Variants in ENTPD1 observed in about 807,000 individuals in gnomAD.
ENTPD1 encodes the protein ATP diphosphohydrolase.
In ENTPD1, 33 loss-of-function variants were observed where a neutral mutation model predicts 57.0. The ratio of observed to expected loss-of-function variants is 0.58; its 90% CI spans 0.44 to 0.77. The LOEUF is 0.77. Among genes scored for constraint, ENTPD1 ranks in the 30% least tolerant of loss-of-function variants. The probability of loss-of-function intolerance (pLI) is 0.00; values close to 1 mark genes in which losing one functional copy is unlikely to be tolerated. For synonymous variants in ENTPD1, 202 were observed against 218.8 expected, an observed-to-expected ratio of 0.92 and a Z score of 0.68; for missense variants, 501 against 603.4, an observed-to-expected ratio of 0.83 and a Z score of 1.78.
In ENTPD1 at chr10:95,867,353, G is replaced by T; in HGVS notation, c.*970G>T. On this transcript the variant is annotated 3_prime_UTR_variant, in exon 10 of 10. Coordinates refer to ENST00000371205, the MANE Select transcript of ENTPD1 (RefSeq NM_001776.6). ...AGAACATTTGCATCATCAATACATT[G>T]TCTAGAGACAAGACTATCCTGGGTA... 1 of 985,366 alleles carries T rather than the reference G, an allele frequency of 1.0e-6. No homozygotes were observed. Among genetic ancestry groups the T allele is most frequent in the Non-Finnish European group, 1.2e-6 (1 of 829,930 alleles). The allele number at this position is 985,366 out of a possible 1,614,324, so 61.0% of individuals were successfully genotyped here. A position where few individuals can be genotyped will look rare whatever the true frequency, so the allele number is the denominator to read the frequency against.
chr10:95,825,186 C>T (rs1261941788), intron 2 of ENTPD1, among the ~76,000 whole-genome samples: 1 of 152,150 alleles, frequency 6.6e-6, no homozygotes. Context: ...GCTCAATAGC[C>T]ATACATGGCT....
At position 95,868,741 on chromosome 10, in the gene ENTPD1, A is replaced by AAC; in HGVS notation, c.*2361_*2362dup. On this transcript the variant is annotated 3_prime_UTR_variant, in exon 10 of 10. Transcript: ENST00000371205. Reference sequence around the variant, plus strand: ...GAAGCCTATTGCTTTTTCTTTTCTAAACACTTTCCCTCAGCAAGTTGGAAT... The same window carrying AAC: ...GAAGCCTATTGCTTTTTCTTTTCTAAACACACTTTCCCTCAGCAAGTTGGAAT... The AAC allele has an allele frequency of 1.0e-6, 1 of 985,214 alleles. No homozygotes were observed. Among genetic ancestry groups the AAC allele is most frequent in the Non-Finnish European group, 1.2e-6 (1 of 829,872 alleles). 61.0% of individuals were successfully genotyped at this position (985,214 alleles called of 1,614,324 possible).
chr10:95,850,125 A>C (rs1566236885), intron 7 of ENTPD1, among the ~76,000 whole-genome samples: 2 of 152,100 alleles, frequency 1.3e-5, no homozygotes, highest in Admixed American at 6.5e-5. Flanking sequence ...AGGGTGGAGG[A>C]GTCTTGAACT....
At chr10:95,756,400 G>T in intron 1 of ENTPD1, 145 bp downstream of exon 1, 1 of 952,226 alleles carries the variant, frequency 1.1e-6, no homozygotes. Context: ...TCTGAGAGGA[G>T]GCAGAGAAAG....
At chr10:95,850,593 A>G (rs2098443307) in intron 7 of ENTPD1, among the ~76,000 whole-genome samples, 1 of 152,296 alleles carries the variant, frequency 6.6e-6, no homozygotes, top group East Asian at 1.9e-4. Context: ...CTATATCAAC[A>G]TATCAACTGG....
chr10:95,806,380 T>C (rs1362745560), intron 1 of ENTPD1, among the ~76,000 whole-genome samples: 1 of 152,246 alleles, frequency 6.6e-6, no homozygotes, highest in East Asian at 1.9e-4. Flanking sequence ...TTTATTCTAG[T>C]TAGCCATTTA....
intron 1 of ENTPD1, among the ~76,000 whole-genome samples, chr10:95,793,380 A>C (rs2098213545): frequency 6.6e-6 from 1 of 152,338 alleles, no homozygotes; most frequent in East Asian, 1.9e-4. Context: ...AATTATGGGG[A>C]AAAGGCCCCT....
chr10:95,749,869 ACTG>A (rs2098009938), intron 1 of ENTPD1, among the ~76,000 whole-genome samples: 1 of 152,192 alleles, frequency 6.6e-6, no homozygotes, highest in African/African-American at 2.4e-5. Flanking sequence ...TTAATTTTTA[ACTG>A]AATTATTATA....
At chr10:95,765,392 A>C (rs1230661918) in intron 1 of ENTPD1, among the ~76,000 whole-genome samples, 2 of 152,138 alleles carry the variant, frequency 1.3e-5, no homozygotes, top group Admixed American at 1.3e-4. Flanking sequence ...GCCAAACTTC[A>C]TGTTTTTGTG....
At chr10:95,768,767 C>T (rs774960120) in intron 1 of ENTPD1, among the ~76,000 whole-genome samples, 4 of 152,144 alleles carry the variant, frequency 2.6e-5, no homozygotes, top group African/African-American at 4.8e-5. Flanking sequence ...TGCTTCATAT[C>T]TATTTTAGAG....
intron 2 of ENTPD1, among the ~76,000 whole-genome samples, chr10:95,833,091 T>C (rs2098401113): frequency 6.6e-6 from 1 of 152,242 alleles, no homozygotes; most frequent in Non-Finnish European, 1.5e-5. Context: ...ATGGAGACTT[T>C]GGAAAGATTT....
chr10:95,874,637 C>T lies in ENTPD1; in HGVS notation c.*8254C>T, dbSNP rs2098483961. ...ACAGCTCCACTAGGCAGTGCCCCAA[C>T]AGGGACTCTGTGTGGGGGCTCTGCC... is the stretch of plus-strand genomic sequence containing the variant. On this transcript the variant is annotated 3_prime_UTR_variant, in exon 10 of 10. Transcript: ENST00000371205. 6.6e-6 allele frequency among the ~76,000 whole-genome samples: 1 copy of T among 152,242 alleles called. No individual in the cohort carries two copies. The highest frequency in any genetic ancestry group is 1.5e-5 in the Non-Finnish European group (1 of 68,040).
rs1224189016 is a variant in ENTPD1 at position 95,873,660 on chromosome 10, G to A, written c.*7277G>A. 1.0e-6 allele frequency: 1 copy of A among 985,276 alleles called. No homozygotes were observed. The highest frequency in any genetic ancestry group is 1.2e-6 in the Non-Finnish European group (1 of 829,926). The allele number at this position is 985,276 out of a possible 1,614,324, so 61.0% of individuals were successfully genotyped here. A position where few individuals can be genotyped will look rare whatever the true frequency, so the allele number is the denominator to read the frequency against. On this transcript the variant is annotated 3_prime_UTR_variant, in exon 10 of 10. Coordinates refer to ENST00000371205, the MANE Select transcript of ENTPD1 (RefSeq NM_001776.6). ...TACTAGGGATGAAACAGCTAATCAT[G>A]TTCAATAGTTACATTTAGATTGGTT...
intron 1 of ENTPD1, among the ~76,000 whole-genome samples, chr10:95,739,545 T>C (rs2097998077): frequency 6.6e-6 from 1 of 152,256 alleles, no homozygotes; most frequent in Non-Finnish European, 1.5e-5. Context: ...TATCATGAGA[T>C]GTAGCAACTC....
At chr10:95,838,503 G>A (rs974787681) in intron 2 of ENTPD1, among the ~76,000 whole-genome samples, 1 of 152,180 alleles carries the variant, frequency 6.6e-6, no homozygotes, top group African/African-American at 2.4e-5. Flanking sequence ...GATACACACA[G>A]TTTGAGTTCA....
At position 95,734,486 on chromosome 10, in the gene ENTPD1, T is replaced by A. The variant is rs185893816; in HGVS notation, c.37+22493T>A. ...AATGTATCTATAATAAATCATGATA[T>A]GTTATTTGCAATTTGGAAACCTTGC... On this transcript the variant is annotated intron_variant, in intron 1 of 9. Transcript: ENST00000453258. 2.6e-5 allele frequency among the ~76,000 whole-genome samples: 4 copies of A among 152,272 alleles called. No homozygotes were observed. In the East Asian group the frequency reaches 7.7e-4, roughly 29 times the overall value.
At position 95,869,951 on chromosome 10, in the gene ENTPD1, C is replaced by G; in HGVS notation, c.*3568C>G. ...CTTGTAGCTACCATACTGGACAGCA[C>G]ATGTCCAAAAAAATACACGTAAAGT... On this transcript the variant is annotated 3_prime_UTR_variant, in exon 10 of 10. Transcript: ENST00000371205. 2.9e-5 allele frequency: 29 copies of G among 985,038 alleles called. No homozygotes were observed. The highest frequency in any genetic ancestry group is 3.5e-5 in the Non-Finnish European group (29 of 829,600). 61.0% of individuals were successfully genotyped at this position (985,038 alleles called of 1,614,324 possible).
intron 1 of ENTPD1, among the ~76,000 whole-genome samples, chr10:95,805,354 C>G (rs953394997): frequency 6.6e-6 from 1 of 152,146 alleles, no homozygotes; most frequent in African/African-American, 2.4e-5. Flanking sequence ...AGATCTTCCT[C>G]CATCCATTTA....
At chr10:95,793,773 TGACATGGG>T (rs2098215464) in intron 1 of ENTPD1, among the ~76,000 whole-genome samples, 1 of 152,056 alleles carries the variant, frequency 6.6e-6, no homozygotes, top group South Asian at 2.1e-4. Context: ...GCCTACCCTC[TGACATGGG>T]GCTGAACAGG....
Sources: allele counts gnomAD v4.1 joint callset (sites outside exome capture counted in the v4.1 genomes callset), GRCh38; gene constraint gnomAD v4.1.1; transcripts MANE v1.5; gene names NCBI Gene and HGNC (gene_info 2026-07-23, HGNC 2026-07-21).